Variants in SIM1 observed in about 807,000 individuals in gnomAD.
SIM1 encodes the protein SIM bHLH transcription factor 1.
In SIM1, 18 loss-of-function variants were observed where a neutral mutation model predicts 78.2. The observed-to-expected ratio is 0.23, with a 90% CI of 0.16 to 0.34. SIM1 has a LOEUF of 0.34. Among genes scored for constraint, SIM1 ranks in the 10% least tolerant of loss-of-function variants. SIM1 has a pLI of 1.00. For missense variants in SIM1, 939 were observed against 975.1 expected, an observed-to-expected ratio of 0.96 and a Z score of 0.49; for synonymous variants, 417 against 385.2, an observed-to-expected ratio of 1.08 and a Z score of -0.97.
chr6:100,390,282 T>C lies in SIM1; in HGVS notation c.*79A>G. 2 of 1,442,578 alleles carry C rather than the reference T, an allele frequency of 1.4e-6. No individual in the cohort carries two copies. The highest frequency in any genetic ancestry group is 2.1e-5 in the Admixed American group (1 of 48,600). 89.4% of individuals were successfully genotyped at this position (1,442,578 alleles called of 1,614,324 possible). ...TTATACTCTCTAACAATCTGTGGCA[T>C]AGTAAATGCTGGTAATGGGGTATTA... On this transcript the variant is annotated 3_prime_UTR_variant, in exon 12 of 12. Coordinates refer to ENST00000369208, the MANE Select transcript of SIM1 (RefSeq NM_005068.3).
At chr6:100,404,257 T>C (rs1198179914) in intron 10 of SIM1, among the ~76,000 whole-genome samples, 1 of 152,252 alleles carries the variant, frequency 6.6e-6, no homozygotes, top group African/African-American at 2.4e-5. Context: ...TTCATCTGGA[T>C]GTGGCAGCAA....
intron 10 of SIM1, 200 bp from the exon 11 acceptor site, chr6:100,394,089 C>A: frequency 6.2e-6 from 3 of 480,566 alleles, no homozygotes; most frequent in South Asian, 4.4e-5. Flanking sequence ...TATGATGCTT[C>A]CAAAGAAAAT....
At chr6:100,419,673 T>C (rs2114502528) in intron 10 of SIM1, among the ~76,000 whole-genome samples, 1 of 152,244 alleles carries the variant, frequency 6.6e-6, no homozygotes, top group East Asian at 1.9e-4. Flanking sequence ...AGATAGAGTC[T>C]CACTGTCGCC....
At chr6:100,436,707 G>C (rs983236430) in intron 9 of SIM1, among the ~76,000 whole-genome samples, 1 of 149,436 alleles carries the variant, frequency 6.7e-6, no homozygotes, top group South Asian at 2.1e-4. Flanking sequence ...TGTTGTCGTT[G>C]TTTTTTGTAT....
intron 9 of SIM1, among the ~76,000 whole-genome samples, chr6:100,424,091 C>A (rs1771662879): frequency 8.0e-6 from 1 of 125,646 alleles, no homozygotes; most frequent in African/African-American, 3.0e-5. Flanking sequence ...CCAGGGTACG[C>A]ATCTCACTGT....
intron 6 of SIM1, among the ~76,000 whole-genome samples, chr6:100,449,026 A>C (rs1261679388): frequency 1.3e-5 from 2 of 152,192 alleles, no homozygotes; most frequent in Admixed American, 1.3e-4. Context: ...CTAACCTCTT[A>C]TGTAACGCTA....
At chr6:100,436,069 T>C (rs1772041369) in intron 9 of SIM1, among the ~76,000 whole-genome samples, 1 of 152,032 alleles carries the variant, frequency 6.6e-6, no homozygotes, top group South Asian at 2.1e-4. Flanking sequence ...CCTCCCTACC[T>C]ACTATCTAGC....
chr6:100,403,175 A>G (rs935178396), intron 10 of SIM1, among the ~76,000 whole-genome samples: 4 of 152,250 alleles, frequency 2.6e-5, no homozygotes, highest in African/African-American at 9.6e-5. Flanking sequence ...TTGCAAATTA[A>G]AATATGAGTC....
chr6:100,418,721 T>C (rs1419948026), intron 10 of SIM1, among the ~76,000 whole-genome samples: 3 of 152,210 alleles, frequency 2.0e-5, no homozygotes, highest in African/African-American at 7.2e-5. Context: ...AATTCTTCTT[T>C]CATCTATGTG....
chr6:100,433,063 T>C (rs1191597995), intron 9 of SIM1, among the ~76,000 whole-genome samples: 1 of 152,120 alleles, frequency 6.6e-6, no homozygotes, highest in Non-Finnish European at 1.5e-5. Flanking sequence ...CCCTCACCAC[T>C]ACCCCATCTT....
chr6:100,397,522 A>T (rs1487623070), intron 10 of SIM1, among the ~76,000 whole-genome samples: 1 of 152,180 alleles, frequency 6.6e-6, no homozygotes, highest in African/African-American at 2.4e-5. Context: ...TATAAAAAAA[A>T]CTCAAAAGGT....
At position 100,386,846 on chromosome 6, in the gene SIM1, G is replaced by A. The variant is rs1258980826; in HGVS notation, c.*3515C>T. ...AGCACTGTCATATTATCTTTTATCA[G>A]GCAATTACAGTTTAGGTAAGCGAGC... On this transcript the variant is annotated 3_prime_UTR_variant, in exon 12 of 12. Transcript: ENST00000369208. 1.3e-5 allele frequency: 2 copies of A among 151,946 alleles called. No individual in the cohort carries two copies. Among genetic ancestry groups the A allele is most frequent in the Non-Finnish European group, 2.9e-5 (2 of 67,916 alleles). 9.4% of individuals were successfully genotyped at this position (151,946 alleles called of 1,614,324 possible).
intron 10 of SIM1, 137 bp from the exon 11 acceptor site, chr6:100,394,026 C>T (rs1186526782): frequency 2.4e-6 from 2 of 835,940 alleles, no homozygotes; most frequent in Middle Eastern, 3.4e-4. Context: ...TCAAAATAAC[C>T]GTTGCTTTGG....
chr6:100,415,242 C>T (rs1317288116), intron 10 of SIM1, among the ~76,000 whole-genome samples: 1 of 152,198 alleles, frequency 6.6e-6, no homozygotes, highest in Non-Finnish European at 1.5e-5. Context: ...TAACATCCAA[C>T]TTGTGTTAAT....
At chr6:100,431,001 C>A (rs763162330) in intron 9 of SIM1, among the ~76,000 whole-genome samples, 1 of 152,134 alleles carries the variant, frequency 6.6e-6, no homozygotes, top group Non-Finnish European at 1.5e-5. Flanking sequence ...CAGGATCTCA[C>A]GTGGGGAGAC....
chr6:100,459,000 C>A (rs1308364940), intron 2 of SIM1, among the ~76,000 whole-genome samples: 1 of 152,200 alleles, frequency 6.6e-6, no homozygotes, highest in African/African-American at 2.4e-5. Context: ...TGAGAAATAC[C>A]TGGCGGGACG....
At chr6:100,410,926 T>A (rs930142812) in intron 10 of SIM1, among the ~76,000 whole-genome samples, 2 of 152,092 alleles carry the variant, frequency 1.3e-5, no homozygotes, top group East Asian at 3.9e-4. Context: ...AACATGACCC[T>A]CACAAGGCCT....
At chr6:100,427,236 T>G (rs1771758348) in intron 9 of SIM1, 1 of 152,232 alleles carries the variant, frequency 6.6e-6, no homozygotes, top group African/African-American at 2.4e-5. Context: ...TGCGAGGGGC[T>G]CACAGACTAA....
Position 100,463,548 on chromosome 6 carries a change from A to G in SIM1, c.-80T>C. ...ACCAAAAATAAACTTTCAATTAGAG[A>G]TCATATTTGGCAAAAACATAAAACA... On this transcript the variant is annotated 5_prime_UTR_variant, in exon 2 of 12. Coordinates refer to ENST00000369208, the MANE Select transcript of SIM1 (RefSeq NM_005068.3). The G allele has an allele frequency of 1.5e-6, 2 of 1,369,502 alleles. No homozygotes were observed. Among genetic ancestry groups the G allele is most frequent in the Admixed American group, 4.2e-5 (2 of 47,318 alleles). 84.8% of individuals were successfully genotyped at this position (1,369,502 alleles called of 1,614,324 possible).
Sources: allele counts gnomAD v4.1 joint callset (sites outside exome capture counted in the v4.1 genomes callset), GRCh38; gene constraint gnomAD v4.1.1; transcripts MANE v1.5; gene names NCBI Gene and HGNC (gene_info 2026-07-23, HGNC 2026-07-21).